TRAPPC9: variants seen among roughly 807,000 people sequenced by gnomAD.
TRAPPC9 encodes trafficking protein particle complex subunit 9.
TRAPPC9 carries 83 observed loss-of-function variants against 124.0 expected under a neutral mutation model. The observed-to-expected ratio is 0.67, with a 90% confidence interval of 0.56 to 0.80. TRAPPC9 has a LOEUF of 0.80. TRAPPC9 is among the 30% of genes least tolerant of loss of function. TRAPPC9 has a pLI of 0.00. For synonymous variants in TRAPPC9, 638 were observed against 617.5 expected, an observed-to-expected ratio of 1.03 and a Z score of -0.49; for missense variants, 1,302 against 1,508.3, an observed-to-expected ratio of 0.86 and a Z score of 2.27.
chr8:140,092,876 T>C (rs762090996), intron 17 of TRAPPC9, among the ~76,000 whole-genome samples: 1 of 152,260 alleles, frequency 6.6e-6, no homozygotes, highest in African/African-American at 2.4e-5. Flanking sequence ...CTAGGCTCAG[T>C]CACTTAGGAG....
chr8:140,169,972 A>G (rs2061933598), intron 17 of TRAPPC9, among the ~76,000 whole-genome samples: 1 of 152,204 alleles, frequency 6.6e-6, no homozygotes, highest in Non-Finnish European at 1.5e-5. Flanking sequence ...TCCTGGACTC[A>G]AGAATTCCAC....
intron 16 of TRAPPC9, among the ~76,000 whole-genome samples, chr8:140,223,550 C>T (rs1417496709): frequency 6.6e-6 from 1 of 152,212 alleles, no homozygotes; most frequent in Admixed American, 6.5e-5. Flanking sequence ...CTGCATATCT[C>T]AAACGAACCC....
intron 10 of TRAPPC9, among the ~76,000 whole-genome samples, chr8:140,301,265 A>G (rs962523075): frequency 6.6e-6 from 1 of 152,190 alleles, no homozygotes; most frequent in Non-Finnish European, 1.5e-5. Context: ...ATGTCTGCCA[A>G]TCTGTACTCA....
At chr8:140,165,335 C>T (rs886270365) in intron 17 of TRAPPC9, among the ~76,000 whole-genome samples, 2 of 150,102 alleles carry the variant, frequency 1.3e-5, no homozygotes, top group African/African-American at 2.5e-5. Context: ...AGTGAGATTC[C>T]GTCTCAAAAG....
At chr8:139,800,639 T>C (rs984527810) in intron 21 of TRAPPC9, among the ~76,000 whole-genome samples, 1 of 152,168 alleles carries the variant, frequency 6.6e-6, no homozygotes. Flanking sequence ...GAGACGGGAC[T>C]CCAAGACATT....
chr8:140,269,279 T>C (rs1285689473), intron 15 of TRAPPC9, among the ~76,000 whole-genome samples: 4 of 152,096 alleles, frequency 2.6e-5, no homozygotes, highest in Non-Finnish European at 4.4e-5. Flanking sequence ...CAGTGGCTCA[T>C]GCCTGTAATC....
chr8:140,325,653 G>A (rs896259705), intron 9 of TRAPPC9, among the ~76,000 whole-genome samples: 4 of 152,290 alleles, frequency 2.6e-5, no homozygotes, highest in African/African-American at 7.2e-5. Flanking sequence ...CATCCCAGAT[G>A]GCTTCACTCG....
chr8:140,374,439 G>C (rs1433848284), intron 7 of TRAPPC9, among the ~76,000 whole-genome samples: 1 of 152,134 alleles, frequency 6.6e-6, no homozygotes, highest in Admixed American at 6.5e-5. Flanking sequence ...GCGTGGTGGT[G>C]CATACCTGTA....
At chr8:140,173,280 C>T (rs1033813341) in intron 17 of TRAPPC9, among the ~76,000 whole-genome samples, 1 of 152,122 alleles carries the variant, frequency 6.6e-6, no homozygotes, top group South Asian at 2.1e-4. Context: ...TGTGGCCGGG[C>T]ACAGTGGCTC....
intron 15 of TRAPPC9, among the ~76,000 whole-genome samples, chr8:140,264,924 C>G (rs923536616): frequency 6.6e-6 from 1 of 152,130 alleles, no homozygotes; most frequent in African/African-American, 2.4e-5. Context: ...TGGTAAGTAT[C>G]CAGACGAGAA....
chr8:140,030,641 TGTA>T (rs779319609), intron 17 of TRAPPC9, among the ~76,000 whole-genome samples: 5 of 152,182 alleles, frequency 3.3e-5, no homozygotes, highest in Non-Finnish European at 7.3e-5. Context: ...ATAAACAAAT[TGTA>T]GTAAATTCAC....
chr8:140,030,303 G>C (rs1176731479), intron 17 of TRAPPC9, among the ~76,000 whole-genome samples: 2 of 152,094 alleles, frequency 1.3e-5, no homozygotes, highest in Non-Finnish European at 2.9e-5. Flanking sequence ...AGAAACAAAG[G>C]GCATACATGT....
In TRAPPC9 at chr8:140,371,014, T is replaced by G. The variant is rs2068265996; in HGVS notation, c.1301A>C (p.Glu434Ala). The G allele has an allele frequency of 3.1e-6, 5 of 1,614,256 alleles. No individual in the cohort carries two copies. The highest frequency in any genetic ancestry group is 4.2e-6 in the Non-Finnish European group (5 of 1,180,048). Residue 434 changes from glutamate (E) to alanine (A), a missense_variant, in exon 8 of 23, where the codon GAA becomes GCA. Coordinates refer to ENST00000438773, the MANE Select transcript of TRAPPC9 (RefSeq NM_001160372.4). ...CGACAGACTGTAGCCGGGCAGCGTT[T>G]CCAGGAGGAGTTTGTAGCAGGCCCT... The part of the protein sequence containing the change: ...GWRACYKLLL[E>A]TLPGYSLSLD...
intron 17 of TRAPPC9, among the ~76,000 whole-genome samples, chr8:140,103,723 A>T (rs2060619780): frequency 6.6e-6 from 1 of 152,228 alleles, no homozygotes; most frequent in South Asian, 2.1e-4. Flanking sequence ...CCATGACGCT[A>T]TCTCAGCTGG....
At chr8:139,845,838 C>T (rs190583731) in intron 21 of TRAPPC9, among the ~76,000 whole-genome samples, 100 of 152,362 alleles carry the variant, frequency 6.6e-4, no homozygotes, top group Non-Finnish European at 1.2e-3. Context: ...TAGACCCTAA[C>T]AGACAAGCTG....
rs2070922151 is a variant in TRAPPC9, at chr8:140,439,152, C to T, written c.630G>A (p.Gly210=). Residue 210 remains glycine, a synonymous_variant, in exon 3 of 23, where the codon GGG becomes GGA. Coordinates refer to ENST00000438773, the MANE Select transcript of TRAPPC9 (RefSeq NM_001160372.4). ...GCATCCCTGCCTGCAGGCACAGGTC[C>T]CCCACGTGCTTCCGCATGCGGCCTT... ...RCQGRMRKHV[G]DLCLQAGMLQ... is the part of the protein sequence containing the mutation. The T allele has an allele frequency of 6.2e-6, 10 of 1,614,028 alleles. No individual in the cohort carries two copies. The highest frequency in any genetic ancestry group is 1.3e-5 in the African/African-American group (1 of 74,916).
intron 19 of TRAPPC9, among the ~76,000 whole-genome samples, chr8:139,954,425 A>G (rs111533936): frequency 1.2e-3 from 179 of 152,284 alleles, no homozygotes; most frequent in African/African-American, 4.2e-3. Context: ...ACGTGTGATC[A>G]TAAGGGTGGG....
chr8:139,873,450 T>G (rs528166067), intron 21 of TRAPPC9, among the ~76,000 whole-genome samples: 2 of 152,276 alleles, frequency 1.3e-5, no homozygotes, highest in East Asian at 1.9e-4. Flanking sequence ...CACCCCTCCA[T>G]CAGGCTGTGA....
chr8:140,300,301 A>G (rs1209315941), intron 11 of TRAPPC9, among the ~76,000 whole-genome samples, 168 bp downstream of exon 11: 2 of 142,906 alleles, frequency 1.4e-5, no homozygotes, highest in African/African-American at 3.0e-5. Context: ...ATATGCATGC[A>G]TGCACACATG....
Sources: allele counts gnomAD v4.1 joint callset (sites outside exome capture counted in the v4.1 genomes callset), GRCh38; gene constraint gnomAD v4.1.1; transcripts MANE v1.5; gene names NCBI Gene and HGNC (gene_info 2026-07-23, HGNC 2026-07-21).